The following CNTN5 variants were observed in gnomAD, a reference collection of about 807,000 sequenced individuals.
The protein encoded by CNTN5 is contactin 5.
A neutral mutation model predicts 129.1 loss-of-function variants in CNTN5; 77 were observed. The observed-to-expected ratio is 0.60, with a 90% CI of 0.50 to 0.72. CNTN5 has a LOEUF of 0.72. Among genes scored for constraint, CNTN5 ranks in the 30% least tolerant of loss-of-function variants. CNTN5 has a pLI of 0.00. For synonymous variants in CNTN5, 509 were observed against 465.6 expected (o/e 1.09, Z -1.20); for missense variants, 1,478 against 1,328.8 (o/e 1.11, Z -1.75).
At chr11:99,300,080 T>C (rs1328534070) in intron 1 of CNTN5, among the ~76,000 whole-genome samples, 2 of 152,110 alleles carry the variant, frequency 1.3e-5, no homozygotes, top group Non-Finnish European at 2.9e-5. Flanking sequence ...TTTTTAATAA[T>C]AGTTATTCTG....
At chr11:100,291,803 T>TA (rs1290281645) in intron 18 of CNTN5, among the ~76,000 whole-genome samples, 1 of 147,876 alleles carries the variant, frequency 6.8e-6, no homozygotes, top group Non-Finnish European at 1.5e-5. Context: ...TATAAATAAA[T>TA]AAAAAATTAA....
intron 1 of CNTN5, among the ~76,000 whole-genome samples, chr11:99,252,903 GTCT>G (rs1049928486): frequency 8.0e-5 from 12 of 149,516 alleles, no homozygotes; most frequent in African/African-American, 2.7e-4. Context: ...TACATTTTGT[GTCT>G]TCTTCATTAA....
chr11:100,318,170 G>A (rs552312856), intron 21 of CNTN5, among the ~76,000 whole-genome samples: 1 of 149,644 alleles, frequency 6.7e-6, no homozygotes, highest in African/African-American at 2.5e-5. Context: ...GAACCCGGGA[G>A]GCCGAACTTG....
Position 100,074,198 on chromosome 11 carries a change from A to G in CNTN5, c.1484A>G (p.Lys495Arg). ...CTGAAGAAAACAATAATTGTTACCA[A>G]AGACCAAGAAGTTGTCATAGAGTGC... ...NQLKKTIIVT[K>R]DQEVVIECKP... The change falls in exon 13 of 25, where the codon AAA becomes AGA. Residue 495 changes from lysine (K) to arginine (R), a missense_variant. Coordinates refer to ENST00000524871, the MANE Select transcript of CNTN5 (RefSeq NM_014361.4). The G allele has an allele frequency of 6.2e-7, 1 of 1,612,616 alleles. No homozygotes were observed. The highest frequency in any genetic ancestry group is 8.5e-7 in the Non-Finnish European group (1 of 1,179,208).
intron 7 of CNTN5, among the ~76,000 whole-genome samples, chr11:99,933,313 C>T (rs879024210): frequency 8.5e-5 from 13 of 152,098 alleles, no homozygotes; most frequent in African/African-American, 3.1e-4. Context: ...TTTTATGTCA[C>T]TTATTAAATA....
chr11:100,218,185 C>A (rs1410286223), intron 15 of CNTN5, among the ~76,000 whole-genome samples: 1 of 152,116 alleles, frequency 6.6e-6, no homozygotes, highest in South Asian at 2.1e-4. Context: ...TATACCAACG[C>A]CTGGATAGCC....
At chr11:99,384,591 A>G (rs1940806986) in intron 2 of CNTN5, among the ~76,000 whole-genome samples, 1 of 152,200 alleles carries the variant, frequency 6.6e-6, no homozygotes, top group African/African-American at 2.4e-5. Flanking sequence ...TCCAAGTTCT[A>G]TAAACTGAAA....
At chr11:100,282,704 G>A (rs1950665327) in intron 18 of CNTN5, among the ~76,000 whole-genome samples, 2 of 152,108 alleles carry the variant, frequency 1.3e-5, no homozygotes, top group Admixed American at 6.5e-5. Context: ...GGCGGATCCA[G>A]AGGTGCCATT....
At position 100,271,135 on chromosome 11, in the gene CNTN5, G is replaced by C. The variant is rs1443747272; in HGVS notation, c.2208G>C (p.Val736=). Residue 736 remains valine, a synonymous_variant, in exon 18 of 25, where the codon GTG becomes GTC. Coordinates refer to ENST00000524871, the MANE Select transcript of CNTN5 (RefSeq NM_014361.4). ...ITGDMESAMA[V]DLNPWVEYEF... is the part of the protein sequence containing the mutation. ...GGGACATGGAGTCAGCCATGGCTGT[G>C]GACCTAAATCCCTGGGTGGAATATG... 1.2e-6 allele frequency: 2 copies of C among 1,612,690 alleles called. No homozygotes were observed. Among genetic ancestry groups the C allele is most frequent in the South Asian group, 1.1e-5 (1 of 90,942 alleles).
At chr11:100,242,593 G>A (rs1290521216) in intron 16 of CNTN5, among the ~76,000 whole-genome samples, 2 of 152,082 alleles carry the variant, frequency 1.3e-5, no homozygotes, top group African/African-American at 2.4e-5. Flanking sequence ...GAGTGATGGC[G>A]GTGCTGCTAC....
chr11:100,129,430 C>T (rs1946303921), intron 13 of CNTN5, among the ~76,000 whole-genome samples: 1 of 152,070 alleles, frequency 6.6e-6, no homozygotes, highest in Non-Finnish European at 1.5e-5. Context: ...TCCATTTTTA[C>T]ACTTATACAC....
intron 15 of CNTN5, among the ~76,000 whole-genome samples, chr11:100,201,967 C>A (rs1475807364): frequency 3.3e-5 from 5 of 151,942 alleles, no homozygotes; most frequent in Non-Finnish European, 5.9e-5. Context: ...AGACCCCTGG[C>A]CTCAGCTCCA....
chr11:99,308,034 T>G (rs1436948629), intron 1 of CNTN5, among the ~76,000 whole-genome samples: 1 of 152,222 alleles, frequency 6.6e-6, no homozygotes, highest in Non-Finnish European at 1.5e-5. Flanking sequence ...TAACATGCAC[T>G]GCTGCATCAA....
chr11:99,615,702 T>A (rs1950738560), intron 3 of CNTN5, among the ~76,000 whole-genome samples: 1 of 152,122 alleles, frequency 6.6e-6, no homozygotes, highest in African/African-American at 2.4e-5. Context: ...AACATCACAT[T>A]CAGGAAATTG....
chr11:100,267,665 C>G (rs570506734), intron 17 of CNTN5, among the ~76,000 whole-genome samples: 3 of 152,122 alleles, frequency 2.0e-5, no homozygotes, highest in African/African-American at 7.2e-5. Context: ...GAGGCAGGAG[C>G]AGAATGAGGT....
At chr11:99,071,655 T>C (rs7483179) in intron 1 of CNTN5, among the ~76,000 whole-genome samples, 5,974 of 152,180 alleles carry the variant, frequency 0.039, 565 homozygotes, top group East Asian at 0.38. Context: ...ATTTGCCCTA[T>C]AAATTATATT....
chr11:99,474,238 T>G (rs1945284351), intron 2 of CNTN5, among the ~76,000 whole-genome samples: 1 of 152,082 alleles, frequency 6.6e-6, no homozygotes, highest in African/African-American at 2.4e-5. Context: ...ATTTTGGATA[T>G]TTCTTTGTTG....
chr11:99,135,625 G>T (rs1360141616), intron 1 of CNTN5, among the ~76,000 whole-genome samples: 1 of 94,894 alleles, frequency 1.1e-5, no homozygotes, highest in African/African-American at 4.6e-5. Context: ...TGCCTTCTTT[G>T]ATTGTCATAA....
At chr11:99,277,230 T>C (rs1406886691) in intron 1 of CNTN5, among the ~76,000 whole-genome samples, 1 of 151,720 alleles carries the variant, frequency 6.6e-6, no homozygotes. Flanking sequence ...CATTCTTCCA[T>C]ATATTTATTA....
Sources: gnomAD v4.1 joint callset for allele counts (sites outside exome capture counted in the v4.1 genomes callset) on GRCh38, gnomAD v4.1.1 for gene constraint, MANE v1.5 for transcripts, NCBI Gene and HGNC (gene_info 2026-07-23, HGNC 2026-07-21) for gene names.